The following CNTNAP5 variants were observed in gnomAD, a reference collection of about 807,000 sequenced individuals.
CNTNAP5 encodes contactin-associated protein-like 5.
A neutral mutation model predicts 150.2 loss-of-function variants in CNTNAP5; 72 were observed. That is an observed-to-expected ratio of 0.48 (90% confidence interval 0.40 to 0.58). The LOEUF (loss-of-function observed/expected upper bound fraction) is 0.58, where lower values mean the gene tolerates loss of function less well. Ranked by LOEUF, CNTNAP5 falls within the 20% of genes least tolerant of loss-of-function variation. CNTNAP5 has a pLI of 0.00. For synonymous variants in CNTNAP5, 672 were observed against 619.8 expected (o/e 1.08, Z -1.25); for missense variants, 1,636 against 1,626.2 (o/e 1.01, Z -0.10).
At chr2:124,267,614 G>A (rs1040270079) in intron 3 of CNTNAP5, among the ~76,000 whole-genome samples, 2 of 152,088 alleles carry the variant, frequency 1.3e-5, no homozygotes, top group East Asian at 1.9e-4. Context: ...TTAAATTAGG[G>A]GAGAACATTT....
intron 7 of CNTNAP5, among the ~76,000 whole-genome samples, chr2:124,498,793 T>A (rs1694207976): frequency 6.6e-6 from 1 of 152,192 alleles, no homozygotes; most frequent in Non-Finnish European, 1.5e-5. Flanking sequence ...TGTAAATACT[T>A]GGTTACACTT....
intron 7 of CNTNAP5, among the ~76,000 whole-genome samples, chr2:124,492,021 C>G (rs1268315559): frequency 6.6e-6 from 1 of 151,800 alleles, no homozygotes; most frequent in Non-Finnish European, 1.5e-5. Flanking sequence ...TGTATAGTAC[C>G]CTCTTATCAG....
chr2:124,394,795 C>T lies in CNTNAP5; in HGVS notation c.382-22648C>T, dbSNP rs564229051. Among the ~76,000 whole-genome samples, 29 of 152,310 alleles carry T rather than the reference C, an allele frequency of 1.9e-4. No individual in the cohort carries two copies. In the Middle Eastern group the frequency reaches 0.014, roughly 72 times the overall value. ...GCAGCCCATCTGCTTTTCCTTCACC[C>T]TTCCTTCTCACTGCTTCGCCTCTGC... On this transcript the variant is annotated intron_variant, in intron 3 of 23. Transcript: ENST00000682447.
chr2:124,248,201 A>G (rs1687077942), intron 3 of CNTNAP5, among the ~76,000 whole-genome samples: 1 of 152,142 alleles, frequency 6.6e-6, no homozygotes, highest in South Asian at 2.1e-4. Flanking sequence ...ATGTCCCTTA[A>G]CACCTCTATA....
intron 3 of CNTNAP5, among the ~76,000 whole-genome samples, chr2:124,303,460 C>T (rs1363711944): frequency 6.6e-6 from 1 of 152,190 alleles, no homozygotes; most frequent in Non-Finnish European, 1.5e-5. Context: ...TCTGACACTT[C>T]CTCTGAGGCT....
intron 1 of CNTNAP5, among the ~76,000 whole-genome samples, chr2:124,215,573 T>C (rs892169061): frequency 2.6e-5 from 4 of 152,134 alleles, no homozygotes; most frequent in African/African-American, 9.7e-5. Context: ...CATGCAAATA[T>C]TAATAAGGAA....
At chr2:124,363,840 G>A (rs889132983) in intron 3 of CNTNAP5, among the ~76,000 whole-genome samples, 8 of 152,150 alleles carry the variant, frequency 5.3e-5, no homozygotes, top group Non-Finnish European at 7.3e-5. Context: ...TTAAATATGT[G>A]TAGTTCTGTG....
intron 7 of CNTNAP5, among the ~76,000 whole-genome samples, chr2:124,495,779 C>A (rs1475242780): frequency 6.6e-6 from 1 of 152,120 alleles, no homozygotes; most frequent in African/African-American, 2.4e-5. Context: ...TTGTCCTTTC[C>A]GGTTTTCTCT....
At chr2:124,366,628 A>G (rs1037839395) in intron 3 of CNTNAP5, among the ~76,000 whole-genome samples, 2 of 152,196 alleles carry the variant, frequency 1.3e-5, no homozygotes, top group East Asian at 3.9e-4. Context: ...CTTTTGCCCA[A>G]TTCTACCCCT....
intron 13 of CNTNAP5, among the ~76,000 whole-genome samples, chr2:124,708,606 T>A (rs905456984): frequency 1.3e-5 from 2 of 152,112 alleles, no homozygotes; most frequent in Non-Finnish European, 2.9e-5. Flanking sequence ...CCGTTTAGTG[T>A]TGTGACAGAC....
At chr2:124,320,843 C>G (rs1689081428) in intron 3 of CNTNAP5, among the ~76,000 whole-genome samples, 1 of 152,050 alleles carries the variant, frequency 6.6e-6, no homozygotes, top group African/African-American at 2.4e-5. Flanking sequence ...GAGACATGTT[C>G]ACTGGTGGAC....
At chr2:124,520,077 A>G (rs1694818105) in intron 8 of CNTNAP5, among the ~76,000 whole-genome samples, 1 of 152,208 alleles carries the variant, frequency 6.6e-6, no homozygotes, top group African/African-American at 2.4e-5. Flanking sequence ...CTGTCATTCT[A>G]CATTATTGCA....
At chr2:124,863,015 A>G (rs1162708664) in intron 19 of CNTNAP5, among the ~76,000 whole-genome samples, 2 of 152,140 alleles carry the variant, frequency 1.3e-5, no homozygotes, top group African/African-American at 4.8e-5. Flanking sequence ...CTCTGCTGAG[A>G]TTACTAGGTC....
chr2:124,867,187 G>A (rs1677650832), intron 20 of CNTNAP5, among the ~76,000 whole-genome samples: 1 of 152,130 alleles, frequency 6.6e-6, no homozygotes, highest in South Asian at 2.1e-4. Context: ...ATTATTACAT[G>A]CATTAAGAAC....
intron 1 of CNTNAP5, among the ~76,000 whole-genome samples, chr2:124,135,652 A>C (rs1683957907): frequency 6.6e-6 from 1 of 152,132 alleles, no homozygotes; most frequent in Admixed American, 6.5e-5. Flanking sequence ...TCCTCTAGCT[A>C]TTTCCACTCC....
At chr2:124,324,525 A>G (rs1457829385) in intron 3 of CNTNAP5, among the ~76,000 whole-genome samples, 1 of 152,202 alleles carries the variant, frequency 6.6e-6, no homozygotes, top group African/African-American at 2.4e-5. Context: ...TGAGCCTAAC[A>G]GCCAGCTAAT....
chr2:124,407,347 C>T (rs1691599520), intron 3 of CNTNAP5, among the ~76,000 whole-genome samples: 1 of 152,120 alleles, frequency 6.6e-6, no homozygotes, highest in African/African-American at 2.4e-5. Flanking sequence ...TGTTTCTTTT[C>T]CTTCATATTT....
chr2:124,764,837 A>C (rs1681033528), intron 16 of CNTNAP5, among the ~76,000 whole-genome samples: 1 of 152,162 alleles, frequency 6.6e-6, no homozygotes, highest in Non-Finnish European at 1.5e-5. Flanking sequence ...AATTTAAAAA[A>C]ATTACATCAA....
chr2:124,073,982 T>C (rs974962370), intron 1 of CNTNAP5, among the ~76,000 whole-genome samples: 1 of 152,148 alleles, frequency 6.6e-6, no homozygotes, highest in Non-Finnish European at 1.5e-5. Context: ...GTGGTACATA[T>C]ACACAATGGA....
Sources: allele counts gnomAD v4.1 joint callset (sites outside exome capture counted in the v4.1 genomes callset), GRCh38; gene constraint gnomAD v4.1.1; transcripts MANE v1.5; gene names NCBI Gene and HGNC (gene_info 2026-07-23, HGNC 2026-07-21).